Variants in NAALADL2 observed in about 807,000 individuals in gnomAD.
The protein encoded by NAALADL2 is N-acetylated alpha-linked acidic dipeptidase like 2.
A neutral mutation model predicts 87.2 loss-of-function variants in NAALADL2; 76 were observed. The observed-to-expected ratio is 0.87, with a 90% CI of 0.72 to 1.05. The LOEUF is 1.05. NAALADL2 is among the 50% of genes least tolerant of loss of function. NAALADL2 has a pLI of 0.00. For missense variants in NAALADL2, 1,089 were observed against 945.8 expected (o/e 1.15, Z -1.99); for synonymous variants, 354 against 331.0 (o/e 1.07, Z -0.75).
intron 2 of NAALADL2, among the ~76,000 whole-genome samples, chr3:174,737,066 C>T (rs1235361076): frequency 6.6e-6 from 1 of 152,232 alleles, no homozygotes; most frequent in African/African-American, 2.4e-5. Context: ...CCTGCCAACT[C>T]AGGAGGGTGG....
At chr3:174,837,348 A>G (rs1398624613) in intron 3 of NAALADL2, among the ~76,000 whole-genome samples, 1 of 152,248 alleles carries the variant, frequency 6.6e-6, no homozygotes, top group Non-Finnish European at 1.5e-5. Flanking sequence ...AAGATCGTTC[A>G]AGGCTACTGT....
chr3:175,303,470 A>AG (rs887075269), intron 4 of NAALADL2, among the ~76,000 whole-genome samples: 5 of 152,024 alleles, frequency 3.3e-5, no homozygotes, highest in East Asian at 1.9e-4. Context: ...CCAAAAAAAA[A>AG]TTTCCCATAT....
intron 10 of NAALADL2, among the ~76,000 whole-genome samples, chr3:175,592,569 A>T (rs984654591): frequency 7.2e-5 from 11 of 152,140 alleles, no homozygotes; most frequent in Non-Finnish European, 1.6e-4. Context: ...ATAAAAAATG[A>T]TGAGTTCATG....
At chr3:174,882,911 A>C (rs1322369547) in intron 1 of NAALADL2, among the ~76,000 whole-genome samples, 1 of 150,582 alleles carries the variant, frequency 6.6e-6, no homozygotes, top group African/African-American at 2.4e-5. Context: ...GTGTATATAT[A>C]TGTTTGTATA....
intron 1 of NAALADL2, among the ~76,000 whole-genome samples, chr3:174,452,577 G>A (rs987609278): frequency 7.2e-5 from 11 of 152,146 alleles, no homozygotes; most frequent in Admixed American, 1.3e-4. Flanking sequence ...CACACAGTGG[G>A]TTCCTAATTT....
intron 2 of NAALADL2, among the ~76,000 whole-genome samples, chr3:175,219,697 A>G (rs1054280336): frequency 2.6e-5 from 4 of 151,956 alleles, no homozygotes; most frequent in African/African-American, 7.2e-5. Context: ...TTTGTACTCT[A>G]TATTCTGTTG....
chr3:174,842,380 G>A (rs1724129856), intron 3 of NAALADL2, among the ~76,000 whole-genome samples: 1 of 152,072 alleles, frequency 6.6e-6, no homozygotes, highest in South Asian at 2.1e-4. Context: ...TTTTGCTTCA[G>A]GTGTTGCTTA....
intron 9 of NAALADL2, among the ~76,000 whole-genome samples, chr3:175,481,431 T>A (rs1726455616): frequency 6.6e-6 from 1 of 151,346 alleles, no homozygotes; most frequent in Non-Finnish European, 1.5e-5. Flanking sequence ...AAAAAGCTAC[T>A]GCTTCAAAAT....
intron 4 of NAALADL2, among the ~76,000 whole-genome samples, chr3:175,292,158 C>T (rs774210940): frequency 6.6e-6 from 1 of 152,116 alleles, no homozygotes; most frequent in Admixed American, 6.5e-5. Flanking sequence ...AGTAAATGCA[C>T]CAGGCATCAG....
intron 1 of NAALADL2, among the ~76,000 whole-genome samples, chr3:174,486,512 T>G (rs1717869670): frequency 6.6e-6 from 1 of 152,058 alleles, no homozygotes. Context: ...TGGGGAAGTT[T>G]CTGCGTGTGA....
At chr3:174,605,882 C>G (rs1329406555) in intron 2 of NAALADL2, among the ~76,000 whole-genome samples, 2 of 152,196 alleles carry the variant, frequency 1.3e-5, no homozygotes, top group Non-Finnish European at 2.9e-5. Flanking sequence ...GGGTCCCTGA[C>G]CCCTGATCCC....
chr3:175,117,122 T>TA (rs1352834747), intron 2 of NAALADL2, among the ~76,000 whole-genome samples: 2 of 152,058 alleles, frequency 1.3e-5, no homozygotes, highest in Non-Finnish European at 2.9e-5. Context: ...CAAGATGAAC[T>TA]AAAGACTTAA....
chr3:175,300,749 ATTTATT>A (rs1486461717), intron 4 of NAALADL2, among the ~76,000 whole-genome samples: 1 of 143,584 alleles, frequency 7.0e-6, no homozygotes, highest in Non-Finnish European at 1.5e-5. Flanking sequence ...GGATTTATTT[ATTTATT>A]TTTATTTATT....
chr3:174,832,666 C>T (rs1722864454), intron 3 of NAALADL2, among the ~76,000 whole-genome samples: 1 of 152,104 alleles, frequency 6.6e-6, no homozygotes, highest in Non-Finnish European at 1.5e-5. Context: ...CAGGGTTTCA[C>T]CGTGTTAGCC....
At chr3:175,230,192 A>G (rs1744735509) in intron 2 of NAALADL2, among the ~76,000 whole-genome samples, 1 of 152,058 alleles carries the variant, frequency 6.6e-6, no homozygotes, top group South Asian at 2.1e-4. Context: ...AAACACTGAA[A>G]TGTGAAAAAC....
In NAALADL2 at chr3:174,853,280, A is replaced by G. The variant is rs544460912; in HGVS notation, c.-9+115534A>G. Among the ~76,000 whole-genome samples the G allele has an allele frequency of 6.9e-5, 10 of 144,336 alleles. No individual in the cohort carries two copies. The East Asian group carries it at 2.1e-3, about 31-fold the overall frequency. 94.7% of individuals were successfully genotyped at this position (144,336 alleles called of 152,430 possible). A position where few individuals can be genotyped will look rare whatever the true frequency, so the allele number is the denominator to read the frequency against. ...GTAGTCCCAGCTACTCAGGAGGCTG[A>G]GGCAGGAGAATTGCTTGAACTTGGG... is the stretch of plus-strand genomic sequence containing the variant. On this transcript the variant is annotated intron_variant, in intron 3 of 3. Coordinates refer to the NAALADL2 transcript ENST00000434257.
intron 2 of NAALADL2, among the ~76,000 whole-genome samples, chr3:174,616,686 T>TA (rs1010120000): frequency 6.6e-6 from 1 of 151,830 alleles, no homozygotes; most frequent in Non-Finnish European, 1.5e-5. Context: ...TGGGAACAGC[T>TA]AAAAAAACTT....
intron 5 of NAALADL2, among the ~76,000 whole-genome samples, chr3:175,357,721 GT>G (rs1383360012): frequency 9.2e-5 from 14 of 152,276 alleles, no homozygotes; most frequent in African/African-American, 3.4e-4. Context: ...TGCATTTTCT[GT>G]CTTCTTTGCG....
chr3:174,642,197 T>TA lies in NAALADL2; in HGVS notation c.-115+91570dup, dbSNP rs748233908. Among the ~76,000 whole-genome samples, 544 of 149,004 alleles carry TA rather than the reference T, an allele frequency of 3.7e-3. 2 individuals are homozygous for TA. The highest frequency in any genetic ancestry group is 4.1e-3 in the Non-Finnish European group (278 of 67,068). On this transcript the variant is annotated intron_variant, in intron 2 of 3. Transcript: ENST00000434257. ...GCATTTTCAATAAAATTAATTATTG[T>TA]AAAAAAAAAATGCATGTTGTTTTCC...
Sources: gnomAD v4.1 joint callset for allele counts (sites outside exome capture counted in the v4.1 genomes callset) on GRCh38, gnomAD v4.1.1 for gene constraint, MANE v1.5 for transcripts, NCBI Gene and HGNC (gene_info 2026-07-23, HGNC 2026-07-21) for gene names.